Variants in ADGRL1 observed in about 807,000 individuals in gnomAD.
ADGRL1 encodes adhesion G protein-coupled receptor L1.
In ADGRL1, 31 loss-of-function variants were observed where a neutral mutation model predicts 148.9. The observed-to-expected ratio is 0.21, with a 90% CI of 0.16 to 0.28. ADGRL1 has a LOEUF of 0.28. Ranked by LOEUF, ADGRL1 falls within the 10% of genes least tolerant of loss-of-function variation. The pLI, the probability that ADGRL1 is intolerant of heterozygous loss-of-function variation, is 1.00. For synonymous variants in ADGRL1, 937 were observed against 900.3 expected (o/e 1.04, Z -0.73); for missense variants, 1,521 against 2,058.8 (o/e 0.74, Z 5.05).
At chr19:14,174,161 A>C (rs1970664163) in intron 3 of ADGRL1, among the ~76,000 whole-genome samples, 1 of 152,050 alleles carries the variant, frequency 6.6e-6, no homozygotes, top group Non-Finnish European at 1.5e-5. Flanking sequence ...TAGGTGCTAG[A>C]GAGATAATGG....
In ADGRL1 at chr19:14,163,369, C is replaced by A. The variant is rs1969603772; in HGVS notation, c.432G>T (p.Glu144Asp). 1 of 1,589,300 alleles carries A rather than the reference C, an allele frequency of 6.3e-7. No homozygotes were observed. Among genetic ancestry groups the A allele is most frequent in the Non-Finnish European group, 8.6e-7 (1 of 1,169,040 alleles). The change falls in exon 5 of 23, where the codon GAG (glutamate) becomes GAT (aspartate). Residue 144 changes from glutamate to aspartate, a missense_variant. Glu to Asp is a conservative substitution (Grantham distance 45, BLOSUM62 2). This residue lies in a region of ADGRL1 where 334 missense variants were observed against 512.5 expected (regional missense o/e 0.65). Coordinates refer to ENST00000361434, the MANE Select transcript of ADGRL1 (RefSeq NM_014921.5). ...GCTCTGACTCGTGTGTCGAGGTGGG[C>A]TCCAGCACCTTCTGCAGGGTCCCTG... ...VCPGTLQKVL[E>D]PTSTHESEHQ...
At position 14,183,627 on chromosome 19, in the gene ADGRL1, A is replaced by G. The variant is rs1357792405; in HGVS notation, c.-25T>C. ...TGGTGGCAGCCGGGTGCGTGTCCGG[A>G]GCTCTCAGTGGCCTGTGCGGGGGGC... is the stretch of plus-strand genomic sequence containing the variant. On this transcript the variant is annotated 5_prime_UTR_variant, in exon 2 of 23. Transcript: ENST00000361434. The G allele has an allele frequency of 1.9e-6, 3 of 1,555,582 alleles. No homozygotes were observed. In the East Asian group the frequency reaches 7.2e-5, roughly 38 times the overall value.
In ADGRL1 at chr19:14,157,915, G is replaced by A; in HGVS notation, c.2502C>T (p.Thr834=). ...THTTCACSHL[T]NFAVLMAHRE... ...GGTGAGCCATGAGCACAGCGAAGTTGGTGAGGTGGCTGCAGGCACACGTGG... is the reference window on the plus strand; with the variant it reads ...GGTGAGCCATGAGCACAGCGAAGTTAGTGAGGTGGCTGCAGGCACACGTGG... Residue 834 remains threonine, a synonymous_variant, in exon 13 of 23, where the codon ACC becomes ACT. Coordinates refer to ENST00000361434, the MANE Select transcript of ADGRL1 (RefSeq NM_014921.5). This position sits in a 1 kb window ranked among gnomAD's most constrained non-coding sequence, Gnocchi z 7.5. The A allele has an allele frequency of 2.0e-5, 33 of 1,614,184 alleles. No individual in the cohort carries two copies. Among genetic ancestry groups the A allele is most frequent in the Non-Finnish European group, 2.8e-5 (33 of 1,180,032 alleles).
At chr19:14,187,109 G>A (rs371415754) in intron 1 of ADGRL1, among the ~76,000 whole-genome samples, 11 of 152,320 alleles carry the variant, frequency 7.2e-5, no homozygotes, top group African/African-American at 2.2e-4. Context: ...AAGCCGAGGC[G>A]GGTGGATCAC....
intron 4 of ADGRL1, among the ~76,000 whole-genome samples, chr19:14,163,737 G>A (rs1428616093): frequency 6.6e-6 from 1 of 152,096 alleles, no homozygotes; most frequent in Non-Finnish European, 1.5e-5. Flanking sequence ...CTGGCTGCTA[G>A]AGACCCCACA....
At chr19:14,176,607 CAGG>C (rs982986525) in intron 3 of ADGRL1, among the ~76,000 whole-genome samples, 2 of 152,152 alleles carry the variant, frequency 1.3e-5, no homozygotes, top group Admixed American at 6.5e-5. Flanking sequence ...GAGGCCGAGG[CAGG>C]AGGATTGCTT....
At chr19:14,178,564 G>A (rs1970977318) in intron 2 of ADGRL1, among the ~76,000 whole-genome samples, 1 of 152,070 alleles carries the variant, frequency 6.6e-6, no homozygotes, top group South Asian at 2.1e-4. Context: ...TGTCACCCAG[G>A]CTGGAGTGCA....
intron 1 of ADGRL1, among the ~76,000 whole-genome samples, chr19:14,197,144 C>T (rs1260499644): frequency 2.0e-5 from 3 of 152,048 alleles, no homozygotes; most frequent in Non-Finnish European, 2.9e-5. Context: ...TGGTGGCACA[C>T]ACCTGTGGTC....
At chr19:14,195,490 TGG>T (rs1457499375) in intron 1 of ADGRL1, among the ~76,000 whole-genome samples, 1 of 144,922 alleles carries the variant, frequency 6.9e-6, no homozygotes, top group Non-Finnish European at 1.5e-5. Flanking sequence ...GGAACCAAGG[TGG>T]GGATCTGGGA....
At chr19:14,173,943 CAAAAAAA>C (rs774211423) in intron 3 of ADGRL1, among the ~76,000 whole-genome samples, 4 of 32,966 alleles carry the variant, frequency 1.2e-4, no homozygotes, top group African/African-American at 4.6e-4. Flanking sequence ...GACTCCGTCT[CAAAAAAA>C]AAAAAAAAAA....
intron 3 of ADGRL1, among the ~76,000 whole-genome samples, chr19:14,176,711 C>T (rs571050071): frequency 6.6e-6 from 1 of 151,982 alleles, no homozygotes; most frequent in East Asian, 1.9e-4. Context: ...TGGTGGCAGG[C>T]GCCTGTAGTC....
intron 2 of ADGRL1, among the ~76,000 whole-genome samples, chr19:14,182,243 T>C (rs1431467121): frequency 2.0e-5 from 3 of 152,172 alleles, no homozygotes; most frequent in Admixed American, 1.3e-4. Context: ...ATGCTAATTA[T>C]TGTTATTATG....
chr19:14,186,896 G>A (rs577851622), intron 1 of ADGRL1, among the ~76,000 whole-genome samples: 62 of 152,340 alleles, frequency 4.1e-4, no homozygotes, highest in Non-Finnish European at 7.3e-4. Context: ...CCCCAGCAGA[G>A]TGACCTACCC....
intron 4 of ADGRL1, chr19:14,169,740 C>G (rs1970311022): frequency 6.6e-6 from 1 of 152,152 alleles, no homozygotes; most frequent in African/African-American, 2.4e-5. Flanking sequence ...CCTGCCTTCT[C>G]CCCACTCTTC....
chr19:14,180,423 T>C (rs1387679665), intron 2 of ADGRL1, among the ~76,000 whole-genome samples: 1 of 151,822 alleles, frequency 6.6e-6, no homozygotes. Context: ...ACCCCACTAA[T>C]TTTTGTATTT....
chr19:14,184,606 TTTTA>T (rs74181775), intron 1 of ADGRL1, among the ~76,000 whole-genome samples: 13,187 of 103,546 alleles, frequency 0.13, 1,122 homozygotes, highest in East Asian at 0.27. Flanking sequence ...CTAATTTTTA[TTTTA>T]TTTATTTATT....
intron 1 of ADGRL1, among the ~76,000 whole-genome samples, chr19:14,194,800 C>G (rs1972155083): frequency 6.6e-6 from 1 of 152,086 alleles, no homozygotes; most frequent in African/African-American, 2.4e-5. Context: ...TGAGCCCACA[C>G]CTGTGTCCGT....
rs139787007 is a variant in ADGRL1, at chr19:14,160,289, A to G, written c.1623T>C (p.Ser541=). Residue 541 remains serine, a synonymous_variant, in exon 8 of 23, where the codon AGT becomes AGC. Transcript: ENST00000361434. The surrounding 1 kb of genome is among the most constrained non-coding windows in gnomAD (Gnocchi z 5.9). The part of the protein sequence containing the change: ...WVNQVAQKIK[S]GENAANIASE... ...TGGCGATGTTGGCCGCGTTCTCCCC[A>G]CTCTTGATCTGCATGAGGTGGGGGC... The G allele has an allele frequency of 5.0e-4, 799 of 1,587,640 alleles. No individual in the cohort carries two copies. Among genetic ancestry groups the G allele is most frequent in the Non-Finnish European group, 5.6e-4 (651 of 1,159,452 alleles).
rs1968020580 is a variant in ADGRL1, at chr19:14,150,093, CG to C, written c.*779del. On this transcript the variant is annotated 3_prime_UTR_variant, in exon 23 of 23. Transcript: ENST00000361434. ...ACCCAAAATCTGCTCCCCAGATAGC[CG>C]AGCCCACAGGACTGGGAACTGCCCA... 6.6e-6 allele frequency: 1 copy of C among 152,410 alleles called. No individual in the cohort carries two copies. The highest frequency in any genetic ancestry group is 1.5e-5 in the Non-Finnish European group (1 of 68,062). 9.4% of individuals were successfully genotyped at this position (152,410 alleles called of 1,614,324 possible).
Sources: allele counts gnomAD v4.1 joint callset (sites outside exome capture counted in the v4.1 genomes callset), GRCh38; gene constraint gnomAD v4.1.1; regional missense constraint gnomAD v4.1.1; non-coding constraint Gnocchi (gnomAD v3.1); transcripts MANE v1.5; gene names NCBI Gene and HGNC (gene_info 2026-07-23, HGNC 2026-07-21).